The following DLD variants were observed in gnomAD, a reference collection of about 807,000 sequenced individuals.
The protein encoded by DLD is dihydrolipoamide dehydrogenase, also known as dihydrolipoyl dehydrogenase, mitochondrial.
In DLD, 36 loss-of-function variants were observed where a neutral mutation model predicts 62.2. The observed-to-expected ratio is 0.58, with a 90% CI of 0.44 to 0.76. The LOEUF is 0.76. DLD is among the 30% of genes least tolerant of loss of function. The pLI, the probability that DLD is intolerant of heterozygous loss-of-function variation, is 0.00. For synonymous variants in DLD, 204 were observed against 199.6 expected, an observed-to-expected ratio of 1.02 and a Z score of -0.19; for missense variants, 541 against 608.6, an observed-to-expected ratio of 0.89 and a Z score of 1.17.
chr7:107,903,389 A>G (rs1220462333), intron 4 of DLD, 89 bp from the exon 5 acceptor site: 2 of 877,204 alleles, frequency 2.3e-6, no homozygotes, highest in Admixed American at 2.0e-5. Flanking sequence ...AAAAAATGAA[A>G]AGAAAGACTA....
Position 107,917,479 on chromosome 7 carries a change from G to T in DLD, c.1236+17G>T. 1 of 1,613,910 alleles carries T rather than the reference G, an allele frequency of 6.2e-7. No homozygotes were observed. Among genetic ancestry groups the T allele is most frequent in the East Asian group, 2.2e-5 (1 of 44,886 alleles). ...AAAGAAGAGGTAAGTCTGAACATGG[G>T]TGGTTTTAAGCCAATGTGTGAGTTG... On this transcript the variant is annotated intron_variant, in intron 11 of 13. Transcript: ENST00000205402.
intron 12 of DLD, 111 bp downstream of exon 12, chr7:107,918,172 T>G: frequency 2.5e-6 from 3 of 1,189,032 alleles, no homozygotes; most frequent in Non-Finnish European, 3.7e-6. Flanking sequence ...CCAGCAAAAC[T>G]TTGAATATGG....
In DLD at chr7:107,919,521, A is replaced by G. The variant is rs983067422; in HGVS notation, c.*262A>G. Reference sequence around the variant, plus strand: ...TCCTGGAATATCTCCGTCAACTCATATTTTCATGCTGTTCATGAAAGATTC... The same window carrying G: ...TCCTGGAATATCTCCGTCAACTCATGTTTTCATGCTGTTCATGAAAGATTC... On this transcript the variant is annotated 3_prime_UTR_variant, in exon 14 of 14. Coordinates refer to ENST00000205402, the MANE Select transcript of DLD (RefSeq NM_000108.5). 6 of 335,924 alleles carry G rather than the reference A, an allele frequency of 1.8e-5. No homozygotes were observed. The East Asian group carries it at 4.0e-4, about 22-fold the overall frequency. The allele number at this position is 335,924 out of a possible 1,614,324, so 20.8% of individuals were successfully genotyped here.
At position 107,917,967 on chromosome 7, in the gene DLD, G is replaced by T; in HGVS notation, c.1280G>T (p.Ser427Ile). 6.2e-7 allele frequency: 1 copy of T among 1,614,114 alleles called. No individual in the cohort carries two copies. Among genetic ancestry groups the T allele is most frequent in the Non-Finnish European group, 8.5e-7 (1 of 1,179,984 alleles). ...KVGKFPFAAN[S>I]RAKTNADTDG... The stretch of plus-strand genomic sequence containing the variant: ...GGGAAATTCCCATTTGCTGCTAACA[G>T]CAGAGCTAAGACAAATGCTGACACA... Residue 427 changes from serine to isoleucine, a missense_variant, in exon 12 of 14, where the codon AGC (serine) becomes ATC (isoleucine). Physicochemically the swap from Ser to Ile is moderately radical, Grantham distance 142. Coordinates refer to ENST00000205402, the MANE Select transcript of DLD (RefSeq NM_000108.5).
chr7:107,891,845 C>G (rs2031586996), intron 1 of DLD, among the ~76,000 whole-genome samples: 1 of 152,130 alleles, frequency 6.6e-6, no homozygotes, highest in African/African-American at 2.4e-5. Context: ...TCACGACTTC[C>G]TGGAGGCTTA....
At chr7:107,898,390 C>CCCCCGAGTAG (rs1243158182) in intron 2 of DLD, among the ~76,000 whole-genome samples, 1 of 149,816 alleles carries the variant, frequency 6.7e-6, no homozygotes, top group Non-Finnish European at 1.5e-5. Context: ...AAGCGATTCT[C>CCCCCGAGTAG]CTGCCTCAGC....
chr7:107,904,719 T>A (rs1208827348), intron 5 of DLD: 1 of 593,536 alleles, frequency 1.7e-6, no homozygotes, highest in East Asian at 3.6e-5. Context: ...GATATAATGT[T>A]TTATTTTGGA....
chr7:107,918,508 C>T (rs1323103698), intron 12 of DLD, among the ~76,000 whole-genome samples: 1 of 152,192 alleles, frequency 6.6e-6, no homozygotes, highest in African/African-American at 2.4e-5. Context: ...TCTGCTTAGA[C>T]TGTTCTGCCT....
At chr7:107,895,928 AGTGTTT>A (rs1448689695) in intron 2 of DLD, among the ~76,000 whole-genome samples, 1 of 152,238 alleles carries the variant, frequency 6.6e-6, no homozygotes, top group Non-Finnish European at 1.5e-5. Context: ...AGCCTAAAGT[AGTGTTT>A]GTAATGTGAA....
intron 9 of DLD, 118 bp from the exon 10 acceptor site, chr7:107,916,676 C>A: frequency 8.8e-7 from 1 of 1,138,468 alleles, no homozygotes. Flanking sequence ...GTCTCAAAAA[C>A]AAAACAAAAC....
chr7:107,895,478 A>G (rs2031696612), intron 2 of DLD, among the ~76,000 whole-genome samples: 1 of 152,234 alleles, frequency 6.6e-6, no homozygotes. Flanking sequence ...TCAAACTTGT[A>G]ACACTTAAAC....
intron 2 of DLD, 35 bp from the exon 3 acceptor site, chr7:107,901,703 A>G (rs369690959): frequency 1.7e-5 from 27 of 1,562,994 alleles, no homozygotes; most frequent in Non-Finnish European, 2.2e-5. Context: ...ATATTAAGCA[A>G]TTTACTATTT....
At chr7:107,912,221 G>A (rs981758148) in intron 8 of DLD, among the ~76,000 whole-genome samples, 1 of 151,356 alleles carries the variant, frequency 6.6e-6, no homozygotes. Flanking sequence ...CATTTTCTTT[G>A]TTTGTCTGCT....
chr7:107,917,639 A>G (rs2032301373), intron 11 of DLD, among the ~76,000 whole-genome samples, 177 bp downstream of exon 11: 1 of 152,212 alleles, frequency 6.6e-6, no homozygotes, highest in Non-Finnish European at 1.5e-5. Flanking sequence ...ATTTATCAGC[A>G]GTAATTGAGA....
At chr7:107,902,525 A>G in intron 4 of DLD, 132 bp downstream of exon 4, 1 of 813,356 alleles carries the variant, frequency 1.2e-6, no homozygotes, top group Non-Finnish European at 2.1e-6. Flanking sequence ...CACACAGAGA[A>G]AAAAAAGAAT....
chr7:107,894,316 G>C (rs552260833), intron 2 of DLD, among the ~76,000 whole-genome samples: 133 of 152,300 alleles, frequency 8.7e-4, no homozygotes, highest in African/African-American at 2.9e-3. Flanking sequence ...GGCAAACTGT[G>C]ACTATCAGTC....
chr7:107,912,786 A>G (rs1416139972), intron 8 of DLD, among the ~76,000 whole-genome samples: 4 of 151,972 alleles, frequency 2.6e-5, no homozygotes, highest in African/African-American at 7.2e-5. Flanking sequence ...TGGCTGTGCA[A>G]AAGTTTTTTA....
chr7:107,905,439 G>A lies in DLD; in HGVS notation c.517G>A (p.Val173Ile), dbSNP rs541017125. ...TATKADGGTQ[V>I]IDTKNILIAT... Reference sequence around the variant, plus strand: ...TACGAAAGCTGATGGCGGCACTCAGGTTATTGATACAAAGAACATTCTTAT... The same window carrying A: ...TACGAAAGCTGATGGCGGCACTCAGATTATTGATACAAAGAACATTCTTAT... Residue 173 changes from valine (V) to isoleucine (I), a missense_variant, in exon 7 of 14, where the codon GTT (valine) becomes ATT (isoleucine). By Grantham distance (29) the Val-to-Ile change is conservative. Coordinates refer to ENST00000205402, the MANE Select transcript of DLD (RefSeq NM_000108.5). The A allele has an allele frequency of 9.9e-6, 16 of 1,613,682 alleles. No homozygotes were observed. Among genetic ancestry groups the A allele is most frequent in the Non-Finnish European group, 1.4e-5 (16 of 1,179,772 alleles).
At chr7:107,893,855 T>C (rs2031652368) in intron 2 of DLD, among the ~76,000 whole-genome samples, 1 of 152,202 alleles carries the variant, frequency 6.6e-6, no homozygotes, top group African/African-American at 2.4e-5. Flanking sequence ...ACTCCAAGTA[T>C]GATGGGAAAC....
Sources: gnomAD v4.1 joint callset for allele counts (sites outside exome capture counted in the v4.1 genomes callset) on GRCh38, gnomAD v4.1.1 for gene constraint, MANE v1.5 for transcripts, NCBI Gene and HGNC (gene_info 2026-07-23, HGNC 2026-07-21) for gene names.